The following TMEM87B variants were observed in gnomAD, a reference collection of about 807,000 sequenced individuals.
The protein encoded by TMEM87B is transmembrane protein 87B.
Under a neutral mutation model 80.3 loss-of-function variants are expected in TMEM87B, and 83 were observed. The ratio of observed to expected loss-of-function variants is 1.03; its 90% CI spans 0.87 to 1.24. The LOEUF (loss-of-function observed/expected upper bound fraction) is 1.24, where lower values mean the gene tolerates loss of function less well. TMEM87B is among the 50% of genes most tolerant of loss of function. TMEM87B has a pLI of 0.00. For missense variants in TMEM87B, 625 were observed against 674.4 expected (o/e 0.93, Z 0.81); for synonymous variants, 219 against 230.5 (o/e 0.95, Z 0.45).
At chr2:112,078,743 C>A (rs1021503701) in intron 6 of TMEM87B, among the ~76,000 whole-genome samples, 1 of 152,174 alleles carries the variant, frequency 6.6e-6, no homozygotes, top group Non-Finnish European at 1.5e-5. Flanking sequence ...GCACTGTACT[C>A]GGCACATGGT....
chr2:112,079,636 A>G (rs1372806844), intron 6 of TMEM87B, among the ~76,000 whole-genome samples: 1 of 152,136 alleles, frequency 6.6e-6, no homozygotes, highest in African/African-American at 2.4e-5. Flanking sequence ...GTAAAGTGGG[A>G]TTACTGGATT....
At chr2:112,103,886 G>C (rs941995739) in intron 15 of TMEM87B, among the ~76,000 whole-genome samples, 1 of 152,136 alleles carries the variant, frequency 6.6e-6, no homozygotes, top group East Asian at 1.9e-4. Context: ...TGTGGTATTG[G>C]CATAAGGATA....
chr2:112,111,499 A>T (rs972466033), intron 17 of TMEM87B, among the ~76,000 whole-genome samples: 19 of 152,340 alleles, frequency 1.2e-4, no homozygotes, highest in African/African-American at 4.6e-4. Context: ...TGAACCATTT[A>T]TGTGAAATGA....
At chr2:112,066,223 T>A (rs980596589) in intron 3 of TMEM87B, among the ~76,000 whole-genome samples, 2 of 152,258 alleles carry the variant, frequency 1.3e-5, no homozygotes, top group African/African-American at 4.8e-5. Flanking sequence ...TTCCATACTT[T>A]CTTCTTCCTT....
At chr2:112,081,865 C>G (rs1294215469) in intron 8 of TMEM87B, among the ~76,000 whole-genome samples, 1 of 152,192 alleles carries the variant, frequency 6.6e-6, no homozygotes, top group African/African-American at 2.4e-5. Context: ...CTCCTTCCCC[C>G]CACATCTTCT....
At position 112,112,901 on chromosome 2, in the gene TMEM87B, C is replaced by A; in HGVS notation, c.1580C>A (p.Ala527Asp). 6.2e-7 allele frequency: 1 copy of A among 1,612,698 alleles called. No individual in the cohort carries two copies. Among genetic ancestry groups the A allele is most frequent in the Non-Finnish European group, 8.5e-7 (1 of 1,179,224 alleles). Residue 527 changes from alanine (A) to aspartate (D), a missense_variant and splice_region_variant, in exon 18 of 19, where the codon GCT becomes GAT. Coordinates refer to ENST00000283206, the MANE Select transcript of TMEM87B (RefSeq NM_032824.3). The stretch of plus-strand genomic sequence containing the variant: ...CCTTTTTTTCCCTTTTATTTCAGAG[C>A]TCTTCCAGTGTTAGTGGATTCAGAT... ...ENIPSSFTDV[A>D]LPVLVDSDEE... is the part of the protein sequence containing the mutation.
intron 17 of TMEM87B, among the ~76,000 whole-genome samples, chr2:112,110,774 G>A (rs1037874056): frequency 1.7e-4 from 26 of 151,684 alleles, no homozygotes; most frequent in Non-Finnish European, 2.2e-4. Context: ...TTTACTACAC[G>A]ATCACATCTC....
chr2:112,095,383 C>T, intron 11 of TMEM87B: 1 of 984,408 alleles, frequency 1.0e-6, no homozygotes, highest in Non-Finnish European at 1.2e-6. Context: ...CCTTCCATGG[C>T]AGGAATGATT....
intron 17 of TMEM87B, among the ~76,000 whole-genome samples, chr2:112,110,512 G>A (rs1237189879): frequency 6.6e-6 from 1 of 151,914 alleles, no homozygotes; most frequent in Non-Finnish European, 1.5e-5. Flanking sequence ...AAAATGTTTT[G>A]ATTTTCATTT....
intron 8 of TMEM87B, among the ~76,000 whole-genome samples, chr2:112,084,363 A>G (rs1679085223): frequency 6.6e-6 from 1 of 152,204 alleles, no homozygotes; most frequent in South Asian, 2.1e-4. Flanking sequence ...CCTGAGCTAC[A>G]GACATATATA....
In TMEM87B at chr2:112,089,667, G is replaced by A; in HGVS notation, c.981G>A (p.Gly327=). 6.2e-7 allele frequency: 1 copy of A among 1,614,162 alleles called. No homozygotes were observed. The highest frequency in any genetic ancestry group is 8.5e-7 in the Non-Finnish European group (1 of 1,180,014). ...GTVMHRVIGL[G]LLYLIFAAVE... is the part of the protein sequence containing the mutation. ...TCATGCACCGGGTGATCGGACTGGG[G>A]CTTCTATACTTAATCTTTGCAGCTG... Residue 327 remains glycine, a synonymous_variant, in exon 10 of 19, where the codon GGG becomes GGA. Coordinates refer to ENST00000283206, the MANE Select transcript of TMEM87B (RefSeq NM_032824.3).
intron 8 of TMEM87B, among the ~76,000 whole-genome samples, chr2:112,081,860 T>TC (rs1679007917): frequency 6.6e-6 from 1 of 151,972 alleles, no homozygotes; most frequent in Non-Finnish European, 1.5e-5. Flanking sequence ...TACTTCTCCT[T>TC]CCCCCCACAT....
intron 15 of TMEM87B, among the ~76,000 whole-genome samples, chr2:112,103,973 G>A (rs1051561681): frequency 6.6e-6 from 1 of 152,092 alleles, no homozygotes; most frequent in Non-Finnish European, 1.5e-5. Context: ...TTTGACAAAG[G>A]CACCAAGGCT....
chr2:112,058,747 T>C (rs964976687), intron 1 of TMEM87B, among the ~76,000 whole-genome samples: 2 of 152,222 alleles, frequency 1.3e-5, no homozygotes, highest in African/African-American at 4.8e-5. Flanking sequence ...AGTTAAGCTA[T>C]TGCAGAAATT....
At chr2:112,087,515 A>T (rs1354074426) in intron 9 of TMEM87B, among the ~76,000 whole-genome samples, 2 of 150,584 alleles carry the variant, frequency 1.3e-5, no homozygotes, top group African/African-American at 2.4e-5. Context: ...CATTTCCCCC[A>T]CATCTGGACC....
At chr2:112,094,529 A>C (rs1285656964) in intron 11 of TMEM87B, among the ~76,000 whole-genome samples, 1 of 152,196 alleles carries the variant, frequency 6.6e-6, no homozygotes, top group Non-Finnish European at 1.5e-5. Flanking sequence ...AGCTTGGCAG[A>C]AAATTCCAAA....
At chr2:112,109,181 T>G (rs1679847063) in intron 17 of TMEM87B, among the ~76,000 whole-genome samples, 1 of 152,232 alleles carries the variant, frequency 6.6e-6, no homozygotes, top group Non-Finnish European at 1.5e-5. Flanking sequence ...CTGTGCAAAG[T>G]AAGAACTGCC....
chr2:112,059,959 G>A lies in TMEM87B; in HGVS notation c.166-18G>A, dbSNP rs1418177947. The A allele has an allele frequency of 1.3e-6, 2 of 1,592,522 alleles. No individual in the cohort carries two copies. Among genetic ancestry groups the A allele is most frequent in the African/African-American group, 1.3e-5 (1 of 74,286 alleles). On this transcript the variant is annotated intron_variant, in intron 1 of 18. Coordinates refer to ENST00000283206, the MANE Select transcript of TMEM87B (RefSeq NM_032824.3). ...AAACTTTCTAACAAGATCTTCCTGT[G>A]TTTGTTTTTCATTTTAGAAATCAGG...
intron 9 of TMEM87B, among the ~76,000 whole-genome samples, chr2:112,086,854 C>T (rs1310146579): frequency 6.6e-6 from 1 of 152,130 alleles, no homozygotes; most frequent in Admixed American, 6.5e-5. Flanking sequence ...ACCTCCCCAC[C>T]TCTCCTGCTC....
Sources: gnomAD v4.1 joint callset for allele counts (sites outside exome capture counted in the v4.1 genomes callset) on GRCh38, gnomAD v4.1.1 for gene constraint, MANE v1.5 for transcripts, NCBI Gene and HGNC (gene_info 2026-07-23, HGNC 2026-07-21) for gene names.